Variants in WDR62 observed in about 807,000 individuals in gnomAD.
WDR62 encodes the protein WD repeat-containing protein 62.
A neutral mutation model predicts 160.6 loss-of-function variants in WDR62; 112 were observed. The ratio of observed to expected loss-of-function variants is 0.70; its 90% CI spans 0.60 to 0.82. The LOEUF (loss-of-function observed/expected upper bound fraction) is 0.82, where lower values mean the gene tolerates loss of function less well. Ranked by LOEUF, WDR62 falls within the 40% of genes least tolerant of loss-of-function variation. WDR62 has a pLI of 0.00. For missense variants in WDR62, 1,819 were observed against 1,983.8 expected (o/e 0.92, Z 1.58); for synonymous variants, 792 against 815.1 (o/e 0.97, Z 0.48).
At chr19:36,101,069 AG>A in intron 23 of WDR62, 144 bp from the exon 24 acceptor site, 2 of 1,159,102 alleles carry the variant, frequency 1.7e-6, no homozygotes, top group East Asian at 2.5e-5. Context: ...TGGGGGAAGG[AG>A]GGGGCATTTG....
chr19:36,064,736 C>T (rs548222471), intron 3 of WDR62, among the ~76,000 whole-genome samples: 1 of 152,294 alleles, frequency 6.6e-6, no homozygotes, highest in East Asian at 1.9e-4. Flanking sequence ...TGCCACCACA[C>T]CTGGCTATTT....
chr19:36,090,105 AC>A (rs1254432203), intron 15 of WDR62, among the ~76,000 whole-genome samples: 6 of 152,152 alleles, frequency 3.9e-5, no homozygotes, highest in Non-Finnish European at 5.9e-5. Context: ...AGGAAGAGAC[AC>A]CTTAGCCTGG....
intron 15 of WDR62, 137 bp from the exon 16 acceptor site, chr19:36,090,308 C>A: frequency 1.3e-6 from 1 of 788,734 alleles, no homozygotes; most frequent in Non-Finnish European, 2.2e-6. Flanking sequence ...GATGGGGTTT[C>A]AGTTTCAGTC....
In WDR62 at chr19:36,059,042, G is replaced by C. The variant is rs1381696683; in HGVS notation, c.269+171G>C. 4.2e-6 allele frequency: 3 copies of C among 720,778 alleles called. No homozygotes were observed. In the African/African-American group the frequency reaches 5.2e-5, roughly 13 times the overall value. 44.6% of individuals were successfully genotyped at this position (720,778 alleles called of 1,614,324 possible). On this transcript the variant is annotated intron_variant, in intron 2 of 31. Transcript: ENST00000401500. Reference sequence around the variant, plus strand: ...GATTCCATAGCCCCCTCTCTGTCTAGAACAGTTCCTGGCATGTAGTGAGTG... The same window carrying C: ...GATTCCATAGCCCCCTCTCTGTCTACAACAGTTCCTGGCATGTAGTGAGTG...
chr19:36,071,126 C>G (rs1971271472), intron 7 of WDR62: 2 of 202,530 alleles, frequency 9.9e-6, no homozygotes, highest in Non-Finnish European at 2.1e-5. Context: ...ATCACTTGAA[C>G]CCAGGAGGTG....
At chr19:36,095,753 C>T (rs1972919230) in intron 20 of WDR62, among the ~76,000 whole-genome samples, 1 of 152,196 alleles carries the variant, frequency 6.6e-6, no homozygotes, top group Non-Finnish European at 1.5e-5. Flanking sequence ...GAGACTGCGC[C>T]ACTGCACTCC....
intron 3 of WDR62, chr19:36,060,884 AG>A (rs901637198): frequency 6.6e-6 from 1 of 152,236 alleles, no homozygotes; most frequent in African/African-American, 2.4e-5. Context: ...ATTTTCTAAG[AG>A]AAAGACTTAA....
the WDR62 span, chr19:36,111,055 A>G: frequency 1.3e-6 from 1 of 753,274 alleles, no homozygotes. Context: ...AGCTTAGTCC[A>G]CTCCCAGGGC....
intron 3 of WDR62, chr19:36,061,699 A>G (rs1216426095): frequency 6.6e-6 from 1 of 152,158 alleles, no homozygotes; most frequent in Admixed American, 6.6e-5. Flanking sequence ...GTGGGTGTGC[A>G]TTAGGAGGTG....
At chr19:36,090,551 T>C (rs781614024) in intron 16 of WDR62, 31 bp downstream of exon 16, 2 of 1,608,004 alleles carry the variant, frequency 1.2e-6, no homozygotes, top group South Asian at 2.2e-5. Context: ...GTCTGTCTGC[T>C]GCCCTGATGG....
intron 9 of WDR62, 103 bp from the exon 10 acceptor site, chr19:36,081,330 C>A: frequency 7.3e-7 from 1 of 1,377,428 alleles, no homozygotes; most frequent in African/African-American, 1.4e-5. Context: ...TTGCACGATA[C>A]CTGTTTATCT....
At chr19:36,086,561 T>A (rs1174493487) in intron 12 of WDR62, 126 bp from the exon 13 acceptor site, 3 of 1,266,138 alleles carry the variant, frequency 2.4e-6, no homozygotes, top group Non-Finnish European at 3.3e-6. Flanking sequence ...TTGGGCCAAG[T>A]TGGCTACAGT....
In WDR62 at chr19:36,067,965, C is replaced by T; in HGVS notation, c.837C>T (p.Cys279=). The change falls in exon 7 of 32, where the codon TGC becomes TGT. Residue 279 remains cysteine (C), a synonymous_variant. Transcript: ENST00000401500. ...GTGTGTCCTACTCGGGCCTCCTCTG[C>T]CAGTTCAATGAGAAGAGGGTGCTGG... ...TFCVSYSGLL[C]QFNEKRVLEK... 6.2e-7 allele frequency: 1 copy of T among 1,614,122 alleles called. No individual in the cohort carries two copies. Among genetic ancestry groups the T allele is most frequent in the Non-Finnish European group, 8.5e-7 (1 of 1,180,014 alleles).
At chr19:36,110,690 C>CATTTTGCCCTG in the WDR62 span, among the ~76,000 whole-genome samples, 1 of 152,154 alleles carries the variant, frequency 6.6e-6, no homozygotes, top group East Asian at 1.9e-4. Flanking sequence ...CCTGGATCCT[C>CATTTTGCCCTG]ATTTTGCCCT....
chr19:36,058,558 G>A (rs778743586), intron 1 of WDR62, among the ~76,000 whole-genome samples: 2 of 152,220 alleles, frequency 1.3e-5, no homozygotes, highest in Non-Finnish European at 2.9e-5. Context: ...GCCCCCCGAG[G>A]GCAGGGATTT....
intron 15 of WDR62, among the ~76,000 whole-genome samples, chr19:36,089,722 G>A (rs1460753342): frequency 6.6e-6 from 1 of 152,224 alleles, no homozygotes; most frequent in Admixed American, 6.5e-5. Context: ...GGGATTACAG[G>A]CGTGAGCCAC....
chr19:36,092,056 A>C (rs148907637), intron 18 of WDR62, among the ~76,000 whole-genome samples: 1,822 of 152,156 alleles, frequency 0.012, 16 homozygotes, highest in Non-Finnish European at 0.019. Context: ...CACGCCTGTG[A>C]TCCCAGCACT....
At chr19:36,072,528 G>A (rs1971353167) in intron 8 of WDR62, among the ~76,000 whole-genome samples, 1 of 152,038 alleles carries the variant, frequency 6.6e-6, no homozygotes, top group African/African-American at 2.4e-5. Flanking sequence ...ACTAGGCTGT[G>A]GCTTTCTTCT....
chr19:36,089,847 G>A (rs562198092), intron 15 of WDR62, among the ~76,000 whole-genome samples: 45 of 152,338 alleles, frequency 3.0e-4, no homozygotes, highest in Middle Eastern at 3.4e-3. Flanking sequence ...GATGACTAAG[G>A]TGCTGATGTG....
Sources: gnomAD v4.1 joint callset for allele counts (sites outside exome capture counted in the v4.1 genomes callset) on GRCh38, gnomAD v4.1.1 for gene constraint, MANE v1.5 for transcripts, NCBI Gene and HGNC (gene_info 2026-07-23, HGNC 2026-07-21) for gene names.